ZFHX3: variants seen among roughly 807,000 people sequenced by gnomAD.
ZFHX3 encodes the protein zinc finger homeobox protein 3.
A neutral mutation model predicts 279.1 loss-of-function variants in ZFHX3; 42 were observed. The observed-to-expected ratio is 0.15, with a 90% CI of 0.12 to 0.19. ZFHX3 has a LOEUF of 0.19. Ranked by LOEUF, ZFHX3 falls within the 10% of genes least tolerant of loss-of-function variation. The probability of loss-of-function intolerance (pLI) is 1.00; values close to 1 mark genes in which losing one functional copy is unlikely to be tolerated. For synonymous variants in ZFHX3, 2,293 were observed against 1,957.8 expected, an observed-to-expected ratio of 1.17 and a Z score of -4.52; for missense variants, 4,981 against 4,754.0, an observed-to-expected ratio of 1.05 and a Z score of -1.40.
chr16:73,741,412 C>A (rs994781644), intron 1 of ZFHX3, among the ~76,000 whole-genome samples: 2 of 152,176 alleles, frequency 1.3e-5, no homozygotes. Flanking sequence ...CTTCTCCATG[C>A]TCCAGAAGCA....
intron 5 of ZFHX3, among the ~76,000 whole-genome samples, chr16:73,172,843 A>G (rs1484226375): frequency 6.6e-6 from 1 of 152,086 alleles, no homozygotes; most frequent in African/African-American, 2.4e-5. Context: ...CAGTCGCCCT[A>G]AAACTTTTCC....
intron 4 of ZFHX3, among the ~76,000 whole-genome samples, chr16:72,833,609 T>C (rs545572313): frequency 6.6e-6 from 1 of 152,300 alleles, no homozygotes; most frequent in Non-Finnish European, 1.5e-5. Flanking sequence ...TTTAATGGTA[T>C]TTCCAATCCC....
chr16:72,843,504 G>T (rs1236882086), intron 4 of ZFHX3, among the ~76,000 whole-genome samples: 2 of 121,066 alleles, frequency 1.7e-5, no homozygotes, highest in Non-Finnish European at 3.2e-5. Flanking sequence ...GACAGAGCGA[G>T]ACTCCGTCTA....
intron 2 of ZFHX3, among the ~76,000 whole-genome samples, chr16:73,645,583 C>G (rs2052611558): frequency 6.6e-6 from 1 of 152,090 alleles, no homozygotes; most frequent in African/African-American, 2.4e-5. Flanking sequence ...CCTAGTTAGC[C>G]CTTAATAAAT....
intron 1 of ZFHX3, among the ~76,000 whole-genome samples, chr16:73,728,015 G>GCCCCCCCCCCCCCTCCCC (rs3049673): frequency 1.3e-5 from 1 of 75,426 alleles, no homozygotes; most frequent in African/African-American, 4.6e-5. Context: ...GCCGAATTGT[G>GCCCCCCCCCCCCCTCCCC]CCCCCCCCCC....
At chr16:73,282,444 T>A (rs1799898396) in intron 4 of ZFHX3, among the ~76,000 whole-genome samples, 1 of 152,228 alleles carries the variant, frequency 6.6e-6, no homozygotes, top group South Asian at 2.1e-4. Context: ...AGGGAATTCT[T>A]TTGGCTATTC....
At chr16:72,889,467 A>G (rs2038714423) in intron 4 of ZFHX3, among the ~76,000 whole-genome samples, 2 of 150,770 alleles carry the variant, frequency 1.3e-5, no homozygotes, top group Admixed American at 1.3e-4. Context: ...TGCTCCAAGA[A>G]AAGTGCTGCC....
intron 4 of ZFHX3, among the ~76,000 whole-genome samples, chr16:73,267,589 T>C (rs2014013201): frequency 6.6e-6 from 1 of 152,160 alleles, no homozygotes; most frequent in African/African-American, 2.4e-5. Flanking sequence ...TGCTACAGGA[T>C]GCCTTTTCCC....
intron 1 of ZFHX3, among the ~76,000 whole-genome samples, chr16:73,881,076 A>C (rs1037738321): frequency 1.3e-5 from 2 of 152,188 alleles, no homozygotes; most frequent in Non-Finnish European, 2.9e-5. Flanking sequence ...AGCACCTTCT[A>C]TAAGACTGGT....
chr16:73,293,895 T>C (rs1197783229), intron 4 of ZFHX3: 2 of 151,296 alleles, frequency 1.3e-5, no homozygotes, highest in African/African-American at 4.9e-5. Context: ...GAACTTCCAT[T>C]GTACATTTGT....
chr16:73,753,993 T>TGTGTGTGTGTGTGC (rs1408024437), intron 1 of ZFHX3, among the ~76,000 whole-genome samples: 1 of 151,874 alleles, frequency 6.6e-6, no homozygotes, highest in East Asian at 1.9e-4. Flanking sequence ...TCAATGTGTG[T>TGTGTGTGTGTGTGC]GTGTGTGTGT....
intron 1 of ZFHX3, among the ~76,000 whole-genome samples, chr16:73,742,368 G>C (rs573491206): frequency 6.6e-6 from 1 of 151,922 alleles, no homozygotes; most frequent in African/African-American, 2.4e-5. Context: ...GGTATTAATA[G>C]ATTGGCTATT....
At chr16:72,889,524 A>T (rs1567567073) in intron 4 of ZFHX3, among the ~76,000 whole-genome samples, 1 of 151,986 alleles carries the variant, frequency 6.6e-6, no homozygotes, top group East Asian at 1.9e-4. Flanking sequence ...AGAAGAAAGA[A>T]AAGAAAAGAA....
intron 2 of ZFHX3, among the ~76,000 whole-genome samples, chr16:73,470,411 G>A (rs926365558): frequency 3.3e-5 from 5 of 152,278 alleles, no homozygotes; most frequent in Middle Eastern, 3.4e-3. Flanking sequence ...CTGCTAAACC[G>A]TTGATCTAGA....
intron 4 of ZFHX3, among the ~76,000 whole-genome samples, chr16:73,297,873 A>C (rs926393594): frequency 2.0e-4 from 30 of 151,960 alleles, no homozygotes; most frequent in Non-Finnish European, 4.4e-5. Flanking sequence ...TTCCTGGCAC[A>C]TAATGAGAAC....
At chr16:72,822,398 G>A (rs1302747249) in intron 5 of ZFHX3, among the ~76,000 whole-genome samples, 2 of 152,160 alleles carry the variant, frequency 1.3e-5, no homozygotes, top group Non-Finnish European at 2.9e-5. Context: ...GGATTTGACT[G>A]CAACTCTGAC....
chr16:72,875,786 A>T (rs1472462290), intron 4 of ZFHX3, among the ~76,000 whole-genome samples: 1 of 152,222 alleles, frequency 6.6e-6, no homozygotes, highest in African/African-American at 2.4e-5. Context: ...TTGTAAGAAC[A>T]TAATGGTAAA....
chr16:72,879,105 A>T (rs2038394093), intron 4 of ZFHX3, among the ~76,000 whole-genome samples: 1 of 152,166 alleles, frequency 6.6e-6, no homozygotes, highest in Non-Finnish European at 1.5e-5. Context: ...CAAGTGAAGG[A>T]CGGGCTCCGA....
intron 1 of ZFHX3, among the ~76,000 whole-genome samples, chr16:73,038,869 C>A (rs1350642963): frequency 6.6e-6 from 1 of 151,944 alleles, no homozygotes; most frequent in Non-Finnish European, 1.5e-5. Context: ...ACAATCACGG[C>A]TCAATGCAGC....
Sources: allele counts gnomAD v4.1 joint callset (sites outside exome capture counted in the v4.1 genomes callset), GRCh38; gene constraint gnomAD v4.1.1; transcripts MANE v1.5; gene names NCBI Gene and HGNC (gene_info 2026-07-23, HGNC 2026-07-21).